Variants in LARGE1 observed in about 807,000 individuals in gnomAD.
The protein encoded by LARGE1 is LARGE xylosyl- and glucuronyltransferase 1, also known as xylosyl- and glucuronyltransferase LARGE1.
LARGE1 carries 43 observed loss-of-function variants against 87.6 expected under a neutral mutation model. That is an observed-to-expected ratio of 0.49 (90% CI 0.38 to 0.63). The LOEUF (loss-of-function observed/expected upper bound fraction) is 0.63, where lower values mean the gene tolerates loss of function less well. Among genes scored for constraint, LARGE1 ranks in the 30% least tolerant of loss-of-function variants. LARGE1 has a pLI of 0.00. For synonymous variants in LARGE1, 434 were observed against 394.6 expected, an observed-to-expected ratio of 1.10 and a Z score of -1.18; for missense variants, 802 against 1,000.2, an observed-to-expected ratio of 0.80 and a Z score of 2.67.
At chr22:33,785,520 C>G (rs1261280881) in intron 1 of LARGE1, among the ~76,000 whole-genome samples, 1 of 151,892 alleles carries the variant, frequency 6.6e-6, no homozygotes, top group Non-Finnish European at 1.5e-5. Context: ...TAACAATGCA[C>G]AACATGAAAG....
At chr22:33,707,172 G>A (rs79368820) in intron 2 of LARGE1, among the ~76,000 whole-genome samples, 2,654 of 152,256 alleles carry the variant, frequency 0.017, 76 homozygotes, top group African/African-American at 0.06. Flanking sequence ...GAGGGAATGG[G>A]GAAAACATGC....
intron 11 of LARGE1, among the ~76,000 whole-genome samples, chr22:33,214,650 G>A (rs550694634): frequency 2.6e-5 from 4 of 152,104 alleles, no homozygotes; most frequent in African/African-American, 9.6e-5. Flanking sequence ...CTCCTTCCTT[G>A]CCACACTCTC....
In LARGE1 at chr22:33,761,570, A is replaced by G. The variant is rs961820113; in HGVS notation, c.-82-12T>C. 4 of 971,552 alleles carry G rather than the reference A, an allele frequency of 4.1e-6. No individual in the cohort carries two copies. Among genetic ancestry groups the G allele is most frequent in the African/African-American group, 3.2e-5 (2 of 62,310 alleles). 60.2% of individuals were successfully genotyped at this position (971,552 alleles called of 1,614,324 possible). A position where few individuals can be genotyped will look rare whatever the true frequency, so the allele number is the denominator to read the frequency against. On this transcript the variant is annotated splice_polypyrimidine_tract_variant and intron_variant, in intron 1 of 14. Transcript: ENST00000397394. ...CCTCATAATACTCTCTGAAAGGAAG[A>G]GCAAAGAGGAAGGCCTGAGTTCTTA...
chr22:33,071,485 C>T, the LARGE1 span, among the ~76,000 whole-genome samples: 6 of 152,126 alleles, frequency 3.9e-5, no homozygotes, highest in Non-Finnish European at 7.3e-5. Flanking sequence ...GCACATTTGT[C>T]GATCACTGTA....
intron 6 of LARGE1, among the ~76,000 whole-genome samples, chr22:33,451,983 C>T (rs1019993908): frequency 5.3e-5 from 8 of 152,238 alleles, no homozygotes; most frequent in African/African-American, 1.9e-4. Flanking sequence ...CAATTACACC[C>T]AGGTTCCTCT....
the LARGE1 span, among the ~76,000 whole-genome samples, chr22:33,106,434 GGAAA>G: frequency 9.6e-4 from 146 of 152,194 alleles, no homozygotes; most frequent in Non-Finnish European, 1.9e-3. Context: ...GGCTTTAGCC[GGAAA>G]TTCAATTCTG....
intron 6 of LARGE1, among the ~76,000 whole-genome samples, chr22:33,542,910 T>C (rs2077252710): frequency 1.3e-5 from 2 of 152,192 alleles, no homozygotes; most frequent in African/African-American, 4.8e-5. Context: ...CGAAGTTCTC[T>C]TGAAATTGCA....
At chr22:33,501,948 T>C (rs1341808065) in intron 6 of LARGE1, among the ~76,000 whole-genome samples, 4 of 152,076 alleles carry the variant, frequency 2.6e-5, no homozygotes, top group African/African-American at 9.7e-5. Flanking sequence ...ATCCCAGCAC[T>C]TTGGGAGGCT....
chr22:33,485,793 A>G (rs1196195187), intron 6 of LARGE1, among the ~76,000 whole-genome samples: 2 of 151,994 alleles, frequency 1.3e-5, no homozygotes, highest in African/African-American at 4.8e-5. Context: ...CTCTCCCCTC[A>G]CACTCTCAAC....
At chr22:33,539,668 C>T (rs1254361617) in intron 6 of LARGE1, among the ~76,000 whole-genome samples, 1 of 151,586 alleles carries the variant, frequency 6.6e-6, no homozygotes, top group Non-Finnish European at 1.5e-5. Flanking sequence ...CAGCTCACTG[C>T]AGCCTCAAAT....
At position 33,703,599 on chromosome 22, in the gene LARGE1, G is replaced by A. The variant is rs541854456; in HGVS notation, c.107-52931C>T. Among the ~76,000 whole-genome samples the A allele has an allele frequency of 9.9e-5, 15 of 152,262 alleles. 2 individuals carry two copies. Among genetic ancestry groups the A allele is most frequent in the South Asian group, 2.1e-4 (1 of 4,822 alleles). ...GAGAGATGCAGGAAGAGTCGGCGTC[G>A]GAGGGAATGTTGGTGTGATAATGGA... On this transcript the variant is annotated intron_variant, in intron 2 of 14. Coordinates refer to ENST00000397394, the MANE Select transcript of LARGE1 (RefSeq NM_133642.5).
At chr22:33,211,005 G>A (rs949316661) in intron 11 of LARGE1, among the ~76,000 whole-genome samples, 7 of 152,210 alleles carry the variant, frequency 4.6e-5, no homozygotes, top group Admixed American at 1.3e-4. Context: ...ACCCTGCATT[G>A]AGCAAGTCTA....
chr22:33,241,045 G>A (rs777416387), intron 11 of LARGE1, among the ~76,000 whole-genome samples: 1 of 152,120 alleles, frequency 6.6e-6, no homozygotes, highest in Non-Finnish European at 1.5e-5. Flanking sequence ...CTCTGGCTTG[G>A]TATCAAGGCA....
chr22:33,616,584 A>G (rs1332827346), intron 4 of LARGE1, among the ~76,000 whole-genome samples: 1 of 152,086 alleles, frequency 6.6e-6, no homozygotes, highest in Non-Finnish European at 1.5e-5. Flanking sequence ...CAGCTGATGA[A>G]TGGATAATAC....
At chr22:33,126,365 T>G in the LARGE1 span, among the ~76,000 whole-genome samples, 184 of 152,288 alleles carry the variant, frequency 1.2e-3, 1 homozygote, top group African/African-American at 4.2e-3. Flanking sequence ...CACTCTCTGA[T>G]TTGTGTTTTG....
intron 4 of LARGE1, among the ~76,000 whole-genome samples, chr22:33,608,867 T>C (rs989235845): frequency 2.0e-5 from 3 of 152,132 alleles, no homozygotes; most frequent in African/African-American, 7.2e-5. Flanking sequence ...AAAGAGATAA[T>C]GGGAAGCAAG....
rs527910110 is a variant in LARGE1 at position 33,239,982 on chromosome 22, CATATGTTTT to C, written c.1730+64238_1730+64246del. Among the ~76,000 whole-genome samples the C allele has an allele frequency of 4.9e-3, 745 of 152,306 alleles. 11 individuals carry two copies. Among genetic ancestry groups the C allele is most frequent in the African/African-American group, 0.016 (682 of 41,560 alleles). On this transcript the variant is annotated intron_variant, in intron 11 of 11. Transcript: ENST00000608642. ...ATATATTTGCAAGTCTTCTTGTGAA[CATATGTTTT>C]CAGTTCTAGGGAGCCAGACGCCTAT...
At chr22:33,516,600 TA>T (rs1183645583) in intron 6 of LARGE1, among the ~76,000 whole-genome samples, 5 of 151,892 alleles carry the variant, frequency 3.3e-5, no homozygotes, top group African/African-American at 1.2e-4. Flanking sequence ...TTATTATTAT[TA>T]TTATTTTTGA....
chr22:33,158,812 A>G (rs752936939), downstream of LARGE1, among the ~76,000 whole-genome samples: 1 of 152,218 alleles, frequency 6.6e-6, no homozygotes, highest in Non-Finnish European at 1.5e-5. Context: ...TTAGTTCTTC[A>G]ATCAGATATG....
Sources: allele counts gnomAD v4.1 joint callset (sites outside exome capture counted in the v4.1 genomes callset), GRCh38; gene constraint gnomAD v4.1.1; transcripts MANE v1.5; gene names NCBI Gene and HGNC (gene_info 2026-07-23, HGNC 2026-07-21).